The following GLIS1 variants were observed in gnomAD, a reference collection of about 807,000 sequenced individuals.
GLIS1 encodes zinc finger protein GLIS1.
A neutral mutation model predicts 63.8 loss-of-function variants in GLIS1; 24 were observed. The observed-to-expected ratio is 0.38, with a 90% CI of 0.27 to 0.53. GLIS1 has a LOEUF of 0.53. Ranked by LOEUF, GLIS1 falls within the 20% of genes least tolerant of loss-of-function variation. The pLI, the probability that GLIS1 is intolerant of heterozygous loss-of-function variation, is 0.85. For synonymous variants in GLIS1, 450 were observed against 482.5 expected (o/e 0.93, Z 0.88); for missense variants, 1,036 against 1,074.1 (o/e 0.96, Z 0.50).
chr1:53,692,974 C>A (rs972368453), intron 2 of GLIS1, among the ~76,000 whole-genome samples: 1 of 152,198 alleles, frequency 6.6e-6, no homozygotes, highest in Non-Finnish European at 1.5e-5. Flanking sequence ...CTCCAGAGCC[C>A]TTTTCTATCC....
chr1:53,668,019 G>A (rs942215976), intron 2 of GLIS1, among the ~76,000 whole-genome samples: 4 of 152,106 alleles, frequency 2.6e-5, no homozygotes, highest in Admixed American at 6.5e-5. Flanking sequence ...GCCTCATCTC[G>A]TTCCATTCTG....
chr1:53,733,970 A>G, intron 2 of GLIS1: 2 of 985,356 alleles, frequency 2.0e-6, no homozygotes, highest in Non-Finnish European at 2.4e-6. Flanking sequence ...TCTTATTCAG[A>G]TGAAGAAATT....
At position 53,594,818 on chromosome 1, in the gene GLIS1, G is replaced by A. The variant is rs377244904; in HGVS notation, c.610C>T (p.Arg204Ter). The A allele has an allele frequency of 6.2e-6, 10 of 1,605,842 alleles. No homozygotes were observed. Among genetic ancestry groups the A allele is most frequent in the Non-Finnish European group, 8.5e-6 (10 of 1,177,242 alleles). The change falls in exon 4 of 11, where the codon CGA (arginine) becomes TGA (stop). Residue 204 changes from arginine (R) to a stop codon, truncating the protein, a stop_gained. Coordinates refer to ENST00000628545, the MANE Select transcript of GLIS1 (RefSeq NM_001367484.1). LOFTEE classifies it high-confidence loss of function. ...GAAGGCGCAGGGGTGGCGAGGCTTCGGCCCGGGAGGTCCAGGTCTGGGTGC... is the reference window on the plus strand; with the variant it reads ...GAAGGCGCAGGGGTGGCGAGGCTTCAGCCCGGGAGGTCCAGGTCTGGGTGC... ...GLHPDLDLPG[R>*]SLATPAPSCY...
At position 53,594,971 on chromosome 1, in the gene GLIS1, T is replaced by C. The variant is rs1557470916; in HGVS notation, c.457A>G (p.Thr153Ala). 1 of 1,440,632 alleles carries C rather than the reference T, an allele frequency of 6.9e-7. No individual in the cohort carries two copies. Among genetic ancestry groups the C allele is most frequent in the Non-Finnish European group, 9.1e-7 (1 of 1,102,772 alleles). The allele number at this position is 1,440,632 out of a possible 1,614,324, so 89.2% of individuals were successfully genotyped here. A position where few individuals can be genotyped will look rare whatever the true frequency, so the allele number is the denominator to read the frequency against. ...HPDRSPRPQATYVNGSLPTTQ... is the reference protein window; with the variant it reads ...HPDRSPRPQAAYVNGSLPTTQ... ...GTTGGGAGGCTGCCGTTCACATACG[T>C]GGCCTGGGGTCTAGGTGACCTGGAA... is the stretch of plus-strand genomic sequence containing the variant. The change falls in exon 4 of 11, where the codon ACG becomes GCG. Residue 153 changes from threonine (T) to alanine (A), a missense_variant. Coordinates refer to ENST00000628545, the MANE Select transcript of GLIS1 (RefSeq NM_001367484.1).
chr1:53,686,463 C>G (rs1021989947), intron 2 of GLIS1, among the ~76,000 whole-genome samples: 2 of 152,182 alleles, frequency 1.3e-5, no homozygotes, highest in Admixed American at 1.3e-4. Flanking sequence ...GAGCAGAGGT[C>G]CTTGTGAGCA....
At chr1:53,590,663 C>G (rs1338256797) in intron 4 of GLIS1, among the ~76,000 whole-genome samples, 1 of 152,142 alleles carries the variant, frequency 6.6e-6, no homozygotes, top group Non-Finnish European at 1.5e-5. Flanking sequence ...ACCTTGTTAT[C>G]GTAACACAGA....
Position 53,688,133 on chromosome 1 carries a change from T to C in GLIS1, c.259+49673A>G, listed in dbSNP as rs566933099. On this transcript the variant is annotated intron_variant, in intron 2 of 10. Coordinates refer to ENST00000628545, the MANE Select transcript of GLIS1 (RefSeq NM_001367484.1). Reference sequence around the variant, plus strand: ...GCAGGCTCTGGCCCTGTGTGTGGCGTGCTGACACCCGCTCTCGGTCCCTGA... The same window carrying C: ...GCAGGCTCTGGCCCTGTGTGTGGCGCGCTGACACCCGCTCTCGGTCCCTGA... Among the ~76,000 whole-genome samples, 4 of 152,302 alleles carry C rather than the reference T, an allele frequency of 2.6e-5. No homozygotes were observed. The East Asian group carries it at 7.7e-4, about 29-fold the overall frequency.
At chr1:53,595,312 T>A (rs1031820011) in intron 3 of GLIS1, among the ~76,000 whole-genome samples, 12 of 151,614 alleles carry the variant, frequency 7.9e-5, no homozygotes, top group African/African-American at 2.9e-4. Flanking sequence ...AGTCCAGGAG[T>A]GTTCACGACC....
rs188129365 is a variant in GLIS1 at position 53,675,936 on chromosome 1, G to A, written c.259+61870C>T. Among the ~76,000 whole-genome samples, 246 of 151,834 alleles carry A rather than the reference G, an allele frequency of 1.6e-3. 2 individuals are homozygous for A. Among genetic ancestry groups the A allele is most frequent in the African/African-American group, 5.7e-3 (234 of 41,382 alleles). ...TACCTGGCCCAGAGAGAGAAGCCTG[G>A]AGCCAGCAGCCATCAGGACCTTGTC... On this transcript the variant is annotated intron_variant, in intron 2 of 10. Transcript: ENST00000628545.
chr1:53,554,223 A>G (rs1027030969), intron 4 of GLIS1, among the ~76,000 whole-genome samples: 1 of 152,222 alleles, frequency 6.6e-6, no homozygotes, highest in African/African-American at 2.4e-5. Flanking sequence ...CAACGGAGAC[A>G]GGGCACTCAT....
intron 2 of GLIS1, among the ~76,000 whole-genome samples, chr1:53,726,184 T>C (rs1646803711): frequency 6.6e-6 from 1 of 152,098 alleles, no homozygotes; most frequent in Non-Finnish European, 1.5e-5. Context: ...GTGGGTAACA[T>C]TGGACCCAAG....
Position 53,520,652 on chromosome 1 carries a change from C to T in GLIS1, c.1708G>A (p.Gly570Ser). The T allele has an allele frequency of 1.2e-6, 2 of 1,610,284 alleles. No individual in the cohort carries two copies. The highest frequency in any genetic ancestry group is 1.7e-6 in the Non-Finnish European group (2 of 1,178,736). The change falls in exon 7 of 11, where the codon GGC becomes AGC. Residue 570 changes from glycine (G) to serine (S), a missense_variant. This residue lies in a region of GLIS1 where 400 missense variants were observed against 400.9 expected (regional missense o/e 1.00). Transcript: ENST00000628545. ...ASDGKGGCGL[G>S]QELLPGVYPG... ...CACGTACCTGGGAGCAGCTCCTGGCCCAGGCCACAGCCACCCTTGCCGTCG... is the reference window on the plus strand; with the variant it reads ...CACGTACCTGGGAGCAGCTCCTGGCTCAGGCCACAGCCACCCTTGCCGTCG...
intron 4 of GLIS1, among the ~76,000 whole-genome samples, chr1:53,557,158 C>T (rs919107581): frequency 4.6e-5 from 7 of 152,016 alleles, no homozygotes; most frequent in East Asian, 3.9e-4. Context: ...TCTCACCTCC[C>T]GAAACACCAG....
chr1:53,513,986 T>A (rs1476447650), intron 8 of GLIS1, among the ~76,000 whole-genome samples: 1 of 152,174 alleles, frequency 6.6e-6, no homozygotes, highest in Non-Finnish European at 1.5e-5. Context: ...GAGGCCTCCC[T>A]CTGCTCATTT....
intron 4 of GLIS1, among the ~76,000 whole-genome samples, chr1:53,553,932 C>T (rs531242590): frequency 1.3e-5 from 2 of 152,204 alleles, no homozygotes; most frequent in Non-Finnish European, 1.5e-5. Context: ...TGCTGACCAG[C>T]GGGAGGATTT....
intron 3 of GLIS1, among the ~76,000 whole-genome samples, chr1:53,596,273 G>T (rs141578398): frequency 6.6e-6 from 1 of 152,220 alleles, no homozygotes; most frequent in Non-Finnish European, 1.5e-5. Context: ...CATTCTGAGT[G>T]GGGGGACCAG....
At chr1:53,669,213 C>T (rs780428028) in intron 2 of GLIS1, among the ~76,000 whole-genome samples, 2 of 152,154 alleles carry the variant, frequency 1.3e-5, no homozygotes, top group Admixed American at 6.5e-5. Flanking sequence ...ATCCTCCCCC[C>T]ACCTAGAGGA....
chr1:53,529,978 C>T (rs765358896), intron 4 of GLIS1, 26 bp from the exon 5 acceptor site: 5 of 1,606,324 alleles, frequency 3.1e-6, no homozygotes, highest in Non-Finnish European at 3.4e-6. Flanking sequence ...GTGAGGGGAA[C>T]TCCCAGCCCG....
Position 53,566,854 on chromosome 1 carries a change from C to T in GLIS1, c.1320+27254G>A, listed in dbSNP as rs570675247. On this transcript the variant is annotated intron_variant, in intron 4 of 10. Transcript: ENST00000628545. ...CATGCTTCCTGTTAAGCCTGCAGAA[C>T]TGTAGGTCAATTAGACCTCTTTTCT... Among the ~76,000 whole-genome samples, 15 of 152,318 alleles carry T rather than the reference C, an allele frequency of 9.8e-5. No homozygotes were observed. In the South Asian group the frequency reaches 3.1e-3, roughly 32 times the overall value.
Sources: gnomAD v4.1 joint callset for allele counts (sites outside exome capture counted in the v4.1 genomes callset) on GRCh38, gnomAD v4.1.1 for gene constraint, gnomAD v4.1.1 regional missense constraint, MANE v1.5 for transcripts, NCBI Gene and HGNC (gene_info 2026-07-23, HGNC 2026-07-21) for gene names.